ZNF385D: variants seen among roughly 807,000 people sequenced by gnomAD.
The protein encoded by ZNF385D is zinc finger protein 659.
A neutral mutation model predicts 35.8 loss-of-function variants in ZNF385D; 15 were observed. The observed-to-expected ratio is 0.42, with a 90% CI of 0.28 to 0.64. The LOEUF (loss-of-function observed/expected upper bound fraction) is 0.64. Ranked by LOEUF, ZNF385D falls within the 30% of genes least tolerant of loss-of-function variation. The pLI is 0.23. For synonymous variants in ZNF385D, 212 were observed against 186.8 expected, an observed-to-expected ratio of 1.13 and a Z score of -1.10; for missense variants, 474 against 494.6, an observed-to-expected ratio of 0.96 and a Z score of 0.39.
At chr3:21,534,612 C>A (rs2061995109) in intron 3 of ZNF385D, among the ~76,000 whole-genome samples, 1 of 152,090 alleles carries the variant, frequency 6.6e-6, no homozygotes, top group South Asian at 2.1e-4. Flanking sequence ...TGTTGCCAAG[C>A]TGAATTTTAT....
rs116615589 is a variant in ZNF385D at position 22,162,957 on chromosome 3, G to A, written c.325+5860C>T. On this transcript the variant is annotated intron_variant, in intron 3 of 5. Transcript: ENST00000494108. ...GGCTGGAGATCTATACCTGTGAAGC[G>A]TAAGAAAAGCAGGACATAGTAGAGA... Among the ~76,000 whole-genome samples the A allele has an allele frequency of 7.8e-3, 1,194 of 152,262 alleles. 14 individuals are homozygous for A. The highest frequency in any genetic ancestry group is 0.017 in the Middle Eastern group (5 of 294).
intron 3 of ZNF385D, among the ~76,000 whole-genome samples, chr3:22,030,304 C>CATATGTATG (rs1553591410): frequency 2.8e-5 from 1 of 36,072 alleles, no homozygotes; most frequent in African/African-American, 1.2e-4. Flanking sequence ...TATATATATC[C>CATATGTATG]TATTTGGTCC....
At chr3:21,902,398 A>T (rs527775439) in intron 3 of ZNF385D, among the ~76,000 whole-genome samples, 246 of 152,276 alleles carry the variant, frequency 1.6e-3, no homozygotes, top group African/African-American at 5.8e-3. Flanking sequence ...AAAAATAGAG[A>T]TCGATCCAGA....
At chr3:21,984,726 GA>G (rs1457191005) in intron 3 of ZNF385D, among the ~76,000 whole-genome samples, 10 of 119,660 alleles carry the variant, frequency 8.4e-5, no homozygotes, top group Admixed American at 6.4e-4. Flanking sequence ...GCTTGATGGG[GA>G]TGGCATTGAA....
intron 3 of ZNF385D, among the ~76,000 whole-genome samples, chr3:21,979,338 T>C (rs1453477433): frequency 1.3e-5 from 2 of 152,212 alleles, no homozygotes; most frequent in Non-Finnish European, 2.9e-5. Context: ...CCATATACTA[T>C]TTTTTCATTA....
chr3:21,670,122 G>A lies in ZNF385D; in HGVS notation c.23-5094C>T, dbSNP rs146336218. ...AATATTCATGCCAATGGAGAATTTC[G>A]TGCATCATTAAAACATATATATATT... is the stretch of plus-strand genomic sequence containing the variant. On this transcript the variant is annotated intron_variant, in intron 1 of 7. Transcript: ENST00000281523. Among the ~76,000 whole-genome samples, 515 of 152,054 alleles carry A rather than the reference G, an allele frequency of 3.4e-3. 4 individuals are homozygous for A. The highest frequency in any genetic ancestry group is 0.012 in the African/African-American group (482 of 41,482).
intron 1 of ZNF385D, among the ~76,000 whole-genome samples, chr3:21,668,011 C>T (rs1221137023): frequency 6.6e-6 from 1 of 152,094 alleles, no homozygotes; most frequent in African/African-American, 2.4e-5. Context: ...TGGAAGAGAG[C>T]AATGTATAAG....
intron 2 of ZNF385D, among the ~76,000 whole-genome samples, chr3:22,252,218 A>G (rs1159423050): frequency 1.3e-5 from 2 of 152,074 alleles, no homozygotes; most frequent in Admixed American, 6.6e-5. Context: ...TTGCATGCTT[A>G]GCACATGTTT....
chr3:22,111,698 T>C (rs910509297), intron 3 of ZNF385D, among the ~76,000 whole-genome samples: 2 of 152,176 alleles, frequency 1.3e-5, no homozygotes, highest in African/African-American at 4.8e-5. Flanking sequence ...GCTTAAATCA[T>C]AAAAAAGTAG....
In ZNF385D at chr3:21,620,745, C is replaced by T. The variant is rs1575336263; in HGVS notation, c.165+44141G>A. Among the ~76,000 whole-genome samples the T allele has an allele frequency of 3.9e-5, 6 of 152,212 alleles. No individual in the cohort carries two copies. The South Asian group carries it at 1.2e-3, about 32-fold the overall frequency. Reference sequence around the variant, plus strand: ...AACAGGAACAAGGGTAGTTGTGATACGGTGATTGCCAGTGAACTTAACCCC... The same window carrying T: ...AACAGGAACAAGGGTAGTTGTGATATGGTGATTGCCAGTGAACTTAACCCC... On this transcript the variant is annotated intron_variant, in intron 2 of 7. Transcript: ENST00000281523.
intron 2 of ZNF385D, among the ~76,000 whole-genome samples, chr3:21,588,768 A>G (rs1575262290): frequency 6.6e-6 from 1 of 152,196 alleles, no homozygotes; most frequent in East Asian, 1.9e-4. Context: ...GAGAACATGT[A>G]GAGGCCATGA....
chr3:21,652,155 A>G (rs985267905), intron 2 of ZNF385D, among the ~76,000 whole-genome samples: 1 of 152,252 alleles, frequency 6.6e-6, no homozygotes, highest in Non-Finnish European at 1.5e-5. Flanking sequence ...TTTCAGGAGT[A>G]GGTTGCCAAT....
chr3:22,154,393 C>T (rs894476535), intron 3 of ZNF385D, among the ~76,000 whole-genome samples: 3 of 152,138 alleles, frequency 2.0e-5, no homozygotes, highest in African/African-American at 7.2e-5. Flanking sequence ...TCCCAGGATC[C>T]AGAGTAGGAC....
intron 2 of ZNF385D, among the ~76,000 whole-genome samples, chr3:22,359,084 A>AC (rs1696291739): frequency 7.7e-6 from 1 of 130,658 alleles, no homozygotes; most frequent in African/African-American, 3.2e-5. Flanking sequence ...CAAAAAAAAA[A>AC]ACAAAAAACA....
intron 1 of ZNF385D, among the ~76,000 whole-genome samples, chr3:21,748,588 G>A (rs894432981): frequency 6.6e-6 from 1 of 152,116 alleles, no homozygotes; most frequent in Non-Finnish European, 1.5e-5. Flanking sequence ...ATTCTCACAA[G>A]TCACCAGAAA....
chr3:22,201,470 G>A (rs1283781510), intron 2 of ZNF385D, among the ~76,000 whole-genome samples: 1 of 151,976 alleles, frequency 6.6e-6, no homozygotes, highest in Non-Finnish European at 1.5e-5. Context: ...TTATACGTCG[G>A]AAATAATTGA....
At chr3:21,469,712 T>C (rs1019817934) in intron 4 of ZNF385D, among the ~76,000 whole-genome samples, 4 of 152,170 alleles carry the variant, frequency 2.6e-5, no homozygotes, top group African/African-American at 9.7e-5. Context: ...CAGGTTTTAT[T>C]TTCCTTATTG....
At chr3:22,088,029 A>C (rs1701135927) in intron 3 of ZNF385D, among the ~76,000 whole-genome samples, 1 of 152,206 alleles carries the variant, frequency 6.6e-6, no homozygotes, top group Non-Finnish European at 1.5e-5. Flanking sequence ...GTTGACACTC[A>C]AAATCGGATT....
At chr3:21,999,308 T>C (rs1278603461) in intron 3 of ZNF385D, among the ~76,000 whole-genome samples, 2 of 152,150 alleles carry the variant, frequency 1.3e-5, no homozygotes, top group Non-Finnish European at 2.9e-5. Context: ...TCTGAAAGGA[T>C]ACTTGAGACA....
Sources: gnomAD v4.1 joint callset for allele counts (sites outside exome capture counted in the v4.1 genomes callset) on GRCh38, gnomAD v4.1.1 for gene constraint, MANE v1.5 for transcripts, NCBI Gene and HGNC (gene_info 2026-07-23, HGNC 2026-07-21) for gene names.